Variants in ULK4 observed in about 807,000 individuals in gnomAD.
The protein encoded by ULK4 is inactive serine/threonine-protein kinase ULK4.
A neutral mutation model predicts 160.6 loss-of-function variants in ULK4; 133 were observed. The observed-to-expected ratio is 0.83, with a 90% CI of 0.72 to 0.96. The LOEUF is 0.96. Ranked by LOEUF, ULK4 falls within the 40% of genes least tolerant of loss-of-function variation. The pLI is 0.00. For synonymous variants in ULK4, 534 were observed against 539.8 expected (o/e 0.99, Z 0.15); for missense variants, 1,580 against 1,499.5 (o/e 1.05, Z -0.89).
intron 16 of ULK4, among the ~76,000 whole-genome samples, chr3:41,891,680 G>T (rs1697972779): frequency 6.6e-6 from 1 of 152,146 alleles, no homozygotes; most frequent in Non-Finnish European, 1.5e-5. Context: ...GCCAGAGCAG[G>T]TGGATCACCT....
intron 30 of ULK4, among the ~76,000 whole-genome samples, chr3:41,633,990 A>G (rs75721401): frequency 0.062 from 9,475 of 152,254 alleles, 435 homozygotes; most frequent in African/African-American, 0.13. Context: ...ACAATAGAGA[A>G]AACCAGCACT....
At chr3:41,380,891 C>A (rs974006516) in intron 35 of ULK4, among the ~76,000 whole-genome samples, 1 of 152,156 alleles carries the variant, frequency 6.6e-6, no homozygotes, top group African/African-American at 2.4e-5. Context: ...GTAACTGAAA[C>A]TGGGCTTTTC....
At chr3:41,696,813 A>C (rs1298820905) in intron 27 of ULK4, among the ~76,000 whole-genome samples, 1 of 152,216 alleles carries the variant, frequency 6.6e-6, no homozygotes, top group East Asian at 1.9e-4. Flanking sequence ...GGATCCTTAA[A>C]GGGTGACAGG....
chr3:41,605,898 A>G (rs2032358602), intron 31 of ULK4, among the ~76,000 whole-genome samples: 3 of 152,094 alleles, frequency 2.0e-5, no homozygotes, highest in South Asian at 2.1e-4. Flanking sequence ...CAAATAATGC[A>G]AACTATGTTC....
intron 17 of ULK4, among the ~76,000 whole-genome samples, chr3:41,849,464 G>C (rs912497485): frequency 2.0e-5 from 3 of 152,130 alleles, no homozygotes; most frequent in Non-Finnish European, 4.4e-5. Flanking sequence ...CGGTAAAAAG[G>C]TCAATGGCTG....
intron 32 of ULK4, among the ~76,000 whole-genome samples, chr3:41,538,118 T>A (rs2086571921): frequency 6.6e-6 from 1 of 152,126 alleles, no homozygotes; most frequent in Non-Finnish European, 1.5e-5. Context: ...CAAATCATCC[T>A]TTGCTGGCAG....
At chr3:41,788,568 T>C (rs1559553712) in intron 21 of ULK4, among the ~76,000 whole-genome samples, 1 of 152,020 alleles carries the variant, frequency 6.6e-6, no homozygotes, top group Non-Finnish European at 1.5e-5. Flanking sequence ...CGGGTACCTA[T>C]AGTCCCAGCT....
rs532334852 is a variant in ULK4, at chr3:41,433,880, G to A, written c.3492+21617C>T. Among the ~76,000 whole-genome samples the A allele has an allele frequency of 2.3e-3, 350 of 152,064 alleles. 1 individual carries two copies. Among genetic ancestry groups the A allele is most frequent in the Admixed American group, 3.3e-3 (50 of 15,258 alleles). ...GACTACAGGCGCCCGCCACCACACC[G>A]GGCTAATTTTTTGTATTTTGTTTAG... On this transcript the variant is annotated intron_variant, in intron 34 of 36. Transcript: ENST00000301831.
chr3:41,930,268 G>C (rs1206661600), intron 5 of ULK4, among the ~76,000 whole-genome samples: 1 of 151,340 alleles, frequency 6.6e-6, no homozygotes, highest in African/African-American at 2.4e-5. Context: ...TATTGTGTTG[G>C]GAAAACTGGC....
chr3:41,578,171 T>C (rs1434755282), intron 31 of ULK4, among the ~76,000 whole-genome samples: 1 of 152,186 alleles, frequency 6.6e-6, no homozygotes, highest in Non-Finnish European at 1.5e-5. Flanking sequence ...AGGGTTGAAA[T>C]TTTAACCCAA....
intron 21 of ULK4, among the ~76,000 whole-genome samples, chr3:41,772,492 CACAT>C (rs1463156411): frequency 6.6e-6 from 1 of 152,174 alleles, no homozygotes; most frequent in Non-Finnish European, 1.5e-5. Context: ...AATTCCTCGA[CACAT>C]ACACCCTCCC....
chr3:41,579,419 C>T (rs2030050167), intron 31 of ULK4, among the ~76,000 whole-genome samples: 1 of 151,838 alleles, frequency 6.6e-6, no homozygotes, highest in Non-Finnish European at 1.5e-5. Flanking sequence ...AACGCCAGTT[C>T]CACAGATGCT....
intron 32 of ULK4, among the ~76,000 whole-genome samples, chr3:41,556,856 A>C (rs1257857599): frequency 1.3e-5 from 2 of 152,138 alleles, no homozygotes; most frequent in African/African-American, 2.4e-5. Context: ...AGGAAAAAAA[A>C]ATTTTAATGA....
intron 17 of ULK4, among the ~76,000 whole-genome samples, chr3:41,859,936 G>A (rs1046883429): frequency 6.0e-5 from 9 of 151,168 alleles, no homozygotes; most frequent in Admixed American, 5.9e-4. Context: ...CCAAAGTGCT[G>A]GGGTTACAGG....
At chr3:41,475,027 G>C (rs1438224335) in intron 32 of ULK4, among the ~76,000 whole-genome samples, 1 of 152,114 alleles carries the variant, frequency 6.6e-6, no homozygotes, top group Non-Finnish European at 1.5e-5. Context: ...ACATTGAAGA[G>C]ATATCTGCAC....
chr3:41,333,793 G>C (rs1443512750), intron 35 of ULK4, among the ~76,000 whole-genome samples: 1 of 151,942 alleles, frequency 6.6e-6, no homozygotes, highest in Non-Finnish European at 1.5e-5. Flanking sequence ...AGAATCGCGG[G>C]GAACATTAAG....
intron 17 of ULK4, chr3:41,882,381 C>A: frequency 1.5e-6 from 1 of 664,510 alleles, no homozygotes; most frequent in Non-Finnish European, 2.7e-6. Flanking sequence ...ACAGGGTGGT[C>A]GTAGTATTCT....
intron 22 of ULK4, among the ~76,000 whole-genome samples, chr3:41,723,357 T>C (rs190071211): frequency 7.2e-4 from 110 of 152,238 alleles, no homozygotes; most frequent in African/African-American, 2.6e-3. Flanking sequence ...GGATCTTTTA[T>C]CTTCTTCCTC....
intron 16 of ULK4, among the ~76,000 whole-genome samples, chr3:41,892,691 T>C (rs535499067): frequency 2.8e-4 from 43 of 152,314 alleles, no homozygotes; most frequent in African/African-American, 1.0e-3. Context: ...AGTTCCTTTC[T>C]TGGGAAACCA....
Sources: allele counts gnomAD v4.1 joint callset (sites outside exome capture counted in the v4.1 genomes callset), GRCh38; gene constraint gnomAD v4.1.1; transcripts MANE v1.5; gene names NCBI Gene and HGNC (gene_info 2026-07-23, HGNC 2026-07-21).